The following WDR5B variants were observed in gnomAD, a reference collection of about 807,000 sequenced individuals.
The protein encoded by WDR5B is WD repeat domain 5B.
Under a neutral mutation model 24.0 loss-of-function variants are expected in WDR5B, and 17 were observed. That is an observed-to-expected ratio of 0.71 (90% CI 0.49 to 1.06). WDR5B has a LOEUF of 1.06. Ranked by LOEUF, WDR5B falls within the 50% of genes least tolerant of loss-of-function variation. The probability of loss-of-function intolerance (pLI) is 0.00; values close to 1 mark genes in which losing one functional copy is unlikely to be tolerated. For synonymous variants in WDR5B, 150 were observed against 146.4 expected (o/e 1.02, Z -0.18); for missense variants, 368 against 384.1 (o/e 0.96, Z 0.35).
rs1397137035 is a variant in WDR5B, at chr3:122,413,035, T to C, written c.*1501A>G. On this transcript the variant is annotated 3_prime_UTR_variant, in exon 1 of 1. Coordinates refer to ENST00000330689, the MANE Select transcript of WDR5B (RefSeq NM_019069.4). The stretch of plus-strand genomic sequence containing the variant: ...TATTTCAAATTCCCTTGCTCCCCTC[T>C]TTTAATCAATCATCCTGTCCTGTCA... The C allele has an allele frequency of 6.6e-6, 1 of 152,250 alleles. No homozygotes were observed. The highest frequency in any genetic ancestry group is 1.5e-5 in the Non-Finnish European group (1 of 68,054). The allele number at this position is 152,250 out of a possible 1,614,324, so 9.4% of individuals were successfully genotyped here.
chr3:122,414,480 T>C lies in WDR5B; in HGVS notation c.*56A>G. On this transcript the variant is annotated 3_prime_UTR_variant, in exon 1 of 1. Coordinates refer to ENST00000330689, the MANE Select transcript of WDR5B (RefSeq NM_019069.4). Reference sequence around the variant, plus strand: ...TGCCAAAATTAAAAGAAACCGTCTTTTTAAATATCCAAGTTTTTTGGCCAA... The same window carrying C: ...TGCCAAAATTAAAAGAAACCGTCTTCTTAAATATCCAAGTTTTTTGGCCAA... 3.3e-6 allele frequency: 5 copies of C among 1,532,402 alleles called. No individual in the cohort carries two copies. In the South Asian group the frequency reaches 6.4e-5, roughly 20 times the overall value. The allele number at this position is 1,532,402 out of a possible 1,614,324, so 94.9% of individuals were successfully genotyped here.
chr3:122,414,969 T>G lies in WDR5B; in HGVS notation c.560A>C (p.Tyr187Ser), dbSNP rs1430398312. The G allele has an allele frequency of 6.2e-7, 1 of 1,614,192 alleles. No homozygotes were observed. The highest frequency in any genetic ancestry group is 1.7e-5 in the Admixed American group (1 of 60,024). ...CSGSLIVSGS[Y>S]DGLCRIWDAA... ...ATCCCAGATTCTACAGAGGCCATCA[T>G]AGCTACCTGACACTATCAAGGACCC... is the stretch of plus-strand genomic sequence containing the variant. The change falls in exon 1 of 1, where the codon TAT becomes TCT. Residue 187 changes from tyrosine (Y) to serine (S), a missense_variant. Coordinates refer to ENST00000330689, the MANE Select transcript of WDR5B (RefSeq NM_019069.4).
At position 122,415,509 on chromosome 3, in the gene WDR5B, CTT is replaced by C. The variant is rs777013125; in HGVS notation, c.18_19del (p.Asp8ArgfsTer19). 1 of 1,612,030 alleles carries C rather than the reference CTT, an allele frequency of 6.2e-7. No individual in the cohort carries two copies. The highest frequency in any genetic ancestry group is 1.1e-5 in the South Asian group (1 of 90,866). On this transcript the variant is annotated frameshift_variant, in exon 1 of 1. Transcript: ENST00000330689. LOFTEE classifies it high-confidence loss of function. ...GAGGGCCAACTGTGCTTTGGCGTCTCTTGACTCCTTGGTTGCCATGGCTCTGA... is the reference window on the plus strand; with the variant it reads ...GAGGGCCAACTGTGCTTTGGCGTCTCGACTCCTTGGTTGCCATGGCTCTGA...
chr3:122,414,817 C>A lies in WDR5B; in HGVS notation c.712G>T (p.Asp238Tyr). The A allele has an allele frequency of 6.2e-7, 1 of 1,614,146 alleles. No homozygotes were observed. Among genetic ancestry groups the A allele is most frequent in the Non-Finnish European group, 8.5e-7 (1 of 1,180,040 alleles). The change falls in exon 1 of 1, where the codon GAT becomes TAT. Residue 238 changes from aspartate to tyrosine, a missense_variant. By Grantham distance (160) the Asp-to-Tyr change is radical (BLOSUM62 -3). Coordinates refer to ENST00000330689, the MANE Select transcript of WDR5B (RefSeq NM_019069.4). ...TTCAGGCACCTGCCTCTGCTATAAT[C>A]CCATAGTTTAAGAGTGTTGTCCAAA... ...ATLDNTLKLW[D>Y]YSRGRCLKTY... is the part of the protein sequence containing the mutation.
In WDR5B at chr3:122,415,956, T is replaced by C. The variant is rs1312084594; in HGVS notation, c.-428A>G. ...GTCAGGCTAGGTACTTGAAGATGAA[T>C]GAACCGCCGCTTTTAGCGGATTTCA... On this transcript the variant is annotated 5_prime_UTR_variant, in exon 1 of 1. Coordinates refer to ENST00000330689, the MANE Select transcript of WDR5B (RefSeq NM_019069.4). The C allele has an allele frequency of 1.2e-5, 2 of 172,472 alleles. No homozygotes were observed. The highest frequency in any genetic ancestry group is 2.8e-5 in the Non-Finnish European group (2 of 71,882). 10.7% of individuals were successfully genotyped at this position (172,472 alleles called of 1,614,324 possible).
rs1576256386 is a variant in WDR5B, at chr3:122,413,338, T to G, written c.*1198A>C. ...AAAGTCAAAAAATGGCTGGGTACAG[T>G]GGCTCATGCCTGTAATCCCAGCACT... On this transcript the variant is annotated 3_prime_UTR_variant, in exon 1 of 1. Coordinates refer to ENST00000330689, the MANE Select transcript of WDR5B (RefSeq NM_019069.4). The G allele has an allele frequency of 6.6e-6, 1 of 152,348 alleles. No homozygotes were observed. The highest frequency in any genetic ancestry group is 1.9e-4 in the East Asian group (1 of 5,196). The allele number at this position is 152,348 out of a possible 1,614,324, so 9.4% of individuals were successfully genotyped here.
At position 122,414,064 on chromosome 3, in the gene WDR5B, C is replaced by A; in HGVS notation, c.*472G>T. ...ATCTTTTGCAACAACATGGATGGAC[C>A]TGGAGGCCATTAAGTGAAGTAATGA... On this transcript the variant is annotated 3_prime_UTR_variant, in exon 1 of 1. Coordinates refer to ENST00000330689, the MANE Select transcript of WDR5B (RefSeq NM_019069.4). The A allele has an allele frequency of 6.2e-6, 1 of 160,858 alleles. No individual in the cohort carries two copies. Among genetic ancestry groups the A allele is most frequent in the Non-Finnish European group, 1.4e-5 (1 of 73,330 alleles). 10.0% of individuals were successfully genotyped at this position (160,858 alleles called of 1,614,324 possible).
rs2075707863 is a variant in WDR5B, at chr3:122,411,991, A to G, written c.*2545T>C. On this transcript the variant is annotated 3_prime_UTR_variant, in exon 1 of 1. Coordinates refer to ENST00000330689, the MANE Select transcript of WDR5B (RefSeq NM_019069.4). ...GTGACTATCTCTTTATGGGTTAAAT[A>G]TCAGTTTCTTGGCCAGAATTCAAGA... 4 of 152,210 alleles carry G rather than the reference A, an allele frequency of 2.6e-5. No individual in the cohort carries two copies. Among genetic ancestry groups the G allele is most frequent in the African/African-American group, 7.2e-5 (3 of 41,456 alleles). 9.4% of individuals were successfully genotyped at this position (152,210 alleles called of 1,614,324 possible).
Position 122,415,286 on chromosome 3 carries a change from A to G in WDR5B, c.243T>C (p.Gly81=), listed in dbSNP as rs1254560758. 5 of 1,614,242 alleles carry G rather than the reference A, an allele frequency of 3.1e-6. No homozygotes were observed. Among genetic ancestry groups the G allele is most frequent in the Non-Finnish European group, 4.2e-6 (5 of 1,180,052 alleles). The part of the protein sequence containing the change: ...YDGKYEKTLY[G]HNLEISDVAW... Reference sequence around the variant, plus strand: ...CAACATCCGATATTTCCAAATTATGACCATAGAGTGTTTTCTCATATTTTC... The same window carrying G: ...CAACATCCGATATTTCCAAATTATGGCCATAGAGTGTTTTCTCATATTTTC... Residue 81 remains glycine, a synonymous_variant, in exon 1 of 1, where the codon GGT becomes GGC. Coordinates refer to ENST00000330689, the MANE Select transcript of WDR5B (RefSeq NM_019069.4).
At position 122,414,950 on chromosome 3, in the gene WDR5B, G is replaced by A. The variant is rs773561464; in HGVS notation, c.579C>T (p.Ile193=). The change falls in exon 1 of 1, where the codon ATC becomes ATT. Residue 193 remains isoleucine, a synonymous_variant. Coordinates refer to ENST00000330689, the MANE Select transcript of WDR5B (RefSeq NM_019069.4). ...VSGSYDGLCR[I]WDAASGQCLK... ...AACACTGACCTGATGCAGCATCCCA[G>A]ATTCTACAGAGGCCATCATAGCTAC... 47 of 1,614,088 alleles carry A rather than the reference G, an allele frequency of 2.9e-5. No individual in the cohort carries two copies. The highest frequency in any genetic ancestry group is 1.6e-4 in the Middle Eastern group (1 of 6,084).
Position 122,414,978 on chromosome 3 carries a change from G to A in WDR5B, c.551C>T (p.Ser184Leu), listed in dbSNP as rs776707051. The part of the protein sequence containing the change: ...HFNCSGSLIV[S>L]GSYDGLCRIW... ...TCTACAGAGGCCATCATAGCTACCT[G>A]ACACTATCAAGGACCCACTACAATT... The change falls in exon 1 of 1, where the codon TCA becomes TTA. Residue 184 changes from serine to leucine, a missense_variant. Physicochemically the swap from Ser to Leu is moderately radical, Grantham distance 145. Transcript: ENST00000330689. The A allele has an allele frequency of 1.2e-6, 2 of 1,614,146 alleles. No individual in the cohort carries two copies. Among genetic ancestry groups the A allele is most frequent in the Non-Finnish European group, 1.7e-6 (2 of 1,180,032 alleles).
At position 122,414,917 on chromosome 3, in the gene WDR5B, C is replaced by T; in HGVS notation, c.612G>A (p.Thr204=). ...CAGGAGGGTTATCGTCATCAACGAG[C>T]GTTTTTAAACACTGACCTGATGCAG... The part of the protein sequence containing the change: ...WDAASGQCLK[T]LVDDDNPPVS... The change falls in exon 1 of 1, where the codon ACG becomes ACA. Residue 204 remains threonine, a synonymous_variant. Transcript: ENST00000330689. 7 of 1,614,150 alleles carry T rather than the reference C, an allele frequency of 4.3e-6. No homozygotes were observed. Among genetic ancestry groups the T allele is most frequent in the Non-Finnish European group, 5.9e-6 (7 of 1,180,022 alleles).
chr3:122,414,695 C>G lies in WDR5B; in HGVS notation c.834G>C (p.Leu278=). The G allele has an allele frequency of 1.2e-6, 2 of 1,614,132 alleles. No individual in the cohort carries two copies. The highest frequency in any genetic ancestry group is 1.7e-6 in the Non-Finnish European group (2 of 1,180,022). ...KWIVSGSEDN[L]VYIWNLQTKE... is the part of the protein sequence containing the mutation. ...TAGTCTGAAGGTTCCAAATGTAAAC[C>G]AGGTTATCCTCGGAACCAGACACAA... The change falls in exon 1 of 1, where the codon CTG becomes CTC. Residue 278 remains leucine (L), a synonymous_variant. Transcript: ENST00000330689.
In WDR5B at chr3:122,415,701, C is replaced by T; in HGVS notation, c.-173G>A. ...TCTTTAAACTGTGAGACGGAATCAG[C>T]AGCACGGCTTGGACTTCAAGTTTTC... is the stretch of plus-strand genomic sequence containing the variant. On this transcript the variant is annotated 5_prime_UTR_variant, in exon 1 of 1. Coordinates refer to ENST00000330689, the MANE Select transcript of WDR5B (RefSeq NM_019069.4). The T allele has an allele frequency of 1.3e-6, 1 of 759,344 alleles. No homozygotes were observed. The allele number at this position is 759,344 out of a possible 1,614,324, so 47.0% of individuals were successfully genotyped here. A position where few individuals can be genotyped will look rare whatever the true frequency, so the allele number is the denominator to read the frequency against.
rs1560004552 is a variant in WDR5B, at chr3:122,412,909, A to G, written c.*1627T>C. On this transcript the variant is annotated 3_prime_UTR_variant, in exon 1 of 1. Coordinates refer to ENST00000330689, the MANE Select transcript of WDR5B (RefSeq NM_019069.4). The stretch of plus-strand genomic sequence containing the variant: ...TATCCCATCACACAGAATATTACCA[A>G]AAGTGTGCAGGTAGCATCTGCCATG... 1 of 152,194 alleles carries G rather than the reference A, an allele frequency of 6.6e-6. No individual in the cohort carries two copies. Among genetic ancestry groups the G allele is most frequent in the Non-Finnish European group, 1.5e-5 (1 of 68,054 alleles). The allele number at this position is 152,194 out of a possible 1,614,324, so 9.4% of individuals were successfully genotyped here. A position where few individuals can be genotyped will look rare whatever the true frequency, so the allele number is the denominator to read the frequency against.
At position 122,413,781 on chromosome 3, in the gene WDR5B, C is replaced by T. The variant is rs1394083838; in HGVS notation, c.*755G>A. Reference sequence around the variant, plus strand: ...AAATTATATTTTAAAATCACCTGCACTGTTTATCGCAGCACTATTCATAAT... The same window carrying T: ...AAATTATATTTTAAAATCACCTGCATTGTTTATCGCAGCACTATTCATAAT... On this transcript the variant is annotated 3_prime_UTR_variant, in exon 1 of 1. Coordinates refer to ENST00000330689, the MANE Select transcript of WDR5B (RefSeq NM_019069.4). 1 of 152,130 alleles carries T rather than the reference C, an allele frequency of 6.6e-6. No individual in the cohort carries two copies. The highest frequency in any genetic ancestry group is 1.9e-4 in the East Asian group (1 of 5,200). The allele number at this position is 152,130 out of a possible 1,614,324, so 9.4% of individuals were successfully genotyped here.
Position 122,415,540 on chromosome 3 carries a change from T to G in WDR5B, c.-12A>C. On this transcript the variant is annotated 5_prime_UTR_variant, in exon 1 of 1. Transcript: ENST00000330689. ...TCCTTGGTTGCCATGGCTCTGAAGC[T>G]CCAAGTTAGCAGGTGTACTAGGCGT... The G allele has an allele frequency of 6.2e-7, 1 of 1,600,186 alleles. No homozygotes were observed. Among genetic ancestry groups the G allele is most frequent in the Non-Finnish European group, 8.5e-7 (1 of 1,173,034 alleles).
Position 122,415,356 on chromosome 3 carries a change from CTTGCTAGCCATTCTCCA to C in WDR5B, c.156_172del (p.Asn52LysfsTer5). 6.2e-7 allele frequency: 1 copy of C among 1,614,252 alleles called. No individual in the cohort carries two copies. Among genetic ancestry groups the C allele is most frequent in the Non-Finnish European group, 8.5e-7 (1 of 1,180,048 alleles). ...TATGATTAGCCTATCAGCAGAAGAA[CTTGCTAGCCATTCTCCA>C]TTAGGACTAAACTTAACTGATGACA... On this transcript the variant is annotated frameshift_variant, in exon 1 of 1. Transcript: ENST00000330689. LOFTEE classifies it high-confidence loss of function.
Position 122,415,487 on chromosome 3 carries a change from G to A in WDR5B, c.42C>T (p.Ala14=), listed in dbSNP as rs556387120. ...KESRDAKAQL[A]LSSSANQSKE... ...TGCTCTGATTGGCCGATGAGGAGAG[G>A]GCCAACTGTGCTTTGGCGTCTCTTG... Residue 14 remains alanine, a synonymous_variant, in exon 1 of 1, where the codon GCC becomes GCT. Transcript: ENST00000330689. The A allele has an allele frequency of 6.2e-7, 1 of 1,613,884 alleles. No homozygotes were observed. Among genetic ancestry groups the A allele is most frequent in the East Asian group, 2.2e-5 (1 of 44,888 alleles).
Sources: allele counts gnomAD v4.1 joint callset, GRCh38; gene constraint gnomAD v4.1.1; transcripts MANE v1.5; gene names NCBI Gene and HGNC (gene_info 2026-07-23, HGNC 2026-07-21).